Variants in COL26A1 observed in about 807,000 individuals in gnomAD.
COL26A1 encodes collagen type XXVI alpha 1 chain, also known as collagen alpha-1(XXVI) chain.
In COL26A1, 41 loss-of-function variants were observed where a neutral mutation model predicts 59.3. The ratio of observed to expected loss-of-function variants is 0.69; its 90% CI spans 0.54 to 0.90. The LOEUF (loss-of-function observed/expected upper bound fraction) is 0.90, where lower values mean the gene tolerates loss of function less well. Ranked by LOEUF, COL26A1 falls within the 40% of genes least tolerant of loss-of-function variation. The pLI is 0.00. For synonymous variants in COL26A1, 266 were observed against 256.0 expected (o/e 1.04, Z -0.37); for missense variants, 612 against 602.3 (o/e 1.02, Z -0.17).
intron 3 of COL26A1, among the ~76,000 whole-genome samples, chr7:101,461,996 CTT>C (rs531100830): frequency 0.36 from 41,564 of 116,976 alleles, 6,938 homozygotes; most frequent in African/African-American, 0.41. Context: ...CCACGGAGCA[CTT>C]TTTTTTTTTT....
chr7:101,400,654 G>A (rs1295319611), intron 1 of COL26A1, among the ~76,000 whole-genome samples: 4 of 151,960 alleles, frequency 2.6e-5, no homozygotes, highest in African/African-American at 9.7e-5. Flanking sequence ...TGCCTCCCAG[G>A]TTCAAACGAT....
chr7:101,408,197 T>G (rs1351241366), intron 1 of COL26A1, among the ~76,000 whole-genome samples: 2 of 152,136 alleles, frequency 1.3e-5, no homozygotes, highest in Non-Finnish European at 2.9e-5. Context: ...GGGTGTTTAT[T>G]AGGGATGGCT....
chr7:101,541,001 G>A (rs1163847357), intron 5 of COL26A1, among the ~76,000 whole-genome samples: 5 of 152,254 alleles, frequency 3.3e-5, no homozygotes, highest in South Asian at 4.1e-4. Context: ...AAATAAAAAT[G>A]AGAAAATTGG....
chr7:101,488,154 T>C (rs1017528835), intron 3 of COL26A1, among the ~76,000 whole-genome samples: 3 of 148,868 alleles, frequency 2.0e-5, no homozygotes, highest in Admixed American at 6.7e-5. Flanking sequence ...TGGTGGCGGG[T>C]GCCTGTAATC....
At chr7:101,423,501 A>T (rs1173690094) in intron 2 of COL26A1, among the ~76,000 whole-genome samples, 1 of 152,060 alleles carries the variant, frequency 6.6e-6, no homozygotes, top group Non-Finnish European at 1.5e-5. Flanking sequence ...TTTGGAGGAT[A>T]AGGTGGGTGG....
intron 2 of COL26A1, among the ~76,000 whole-genome samples, chr7:101,421,542 G>A (rs1034382462): frequency 1.3e-5 from 2 of 152,036 alleles, no homozygotes; most frequent in Non-Finnish European, 2.9e-5. Flanking sequence ...AGGCGTGGTG[G>A]TGGGCGCCTG....
At chr7:101,467,511 G>A (rs1793792515) in intron 3 of COL26A1, among the ~76,000 whole-genome samples, 2 of 151,688 alleles carry the variant, frequency 1.3e-5, no homozygotes, top group Non-Finnish European at 3.0e-5. Flanking sequence ...TTGTGCAGAC[G>A]GGTTCTCTAC....
At chr7:101,524,456 T>C (rs1795200533) in intron 3 of COL26A1, among the ~76,000 whole-genome samples, 1 of 152,164 alleles carries the variant, frequency 6.6e-6, no homozygotes, top group African/African-American at 2.4e-5. Context: ...ATGTTTGATG[T>C]CCCAGCGTAA....
At chr7:101,548,345 G>A (rs1304759813) in intron 8 of COL26A1, among the ~76,000 whole-genome samples, 3 of 152,196 alleles carry the variant, frequency 2.0e-5, no homozygotes, top group African/African-American at 7.2e-5. Flanking sequence ...TTCCTAGCAG[G>A]CTGGAGATTA....
intron 1 of COL26A1, among the ~76,000 whole-genome samples, chr7:101,387,776 A>ATTTTTTTT (rs1445116473): frequency 2.4e-4 from 20 of 84,750 alleles, no homozygotes; most frequent in South Asian, 3.9e-4. Flanking sequence ...ATATATATAT[A>ATTTTTTTT]TATTTTTTTT....
At chr7:101,495,039 T>G (rs1322906093) in intron 3 of COL26A1, among the ~76,000 whole-genome samples, 2 of 152,128 alleles carry the variant, frequency 1.3e-5, no homozygotes, top group Non-Finnish European at 2.9e-5. Context: ...TTTAAGAAAG[T>G]AATTGACCTG....
chr7:101,384,230 G>GTTTTT (rs35085221), intron 1 of COL26A1, among the ~76,000 whole-genome samples: 63 of 105,660 alleles, frequency 6.0e-4, no homozygotes, highest in African/African-American at 1.7e-3. Flanking sequence ...GTTCAGGCTG[G>GTTTTT]TTTTTTTTTT....
intron 3 of COL26A1, among the ~76,000 whole-genome samples, chr7:101,458,734 G>T (rs60883407): frequency 6.6e-6 from 1 of 151,576 alleles, no homozygotes; most frequent in African/African-American, 2.4e-5. Flanking sequence ...AGAAACAGGC[G>T]CAGAGGAAAT....
At chr7:101,468,933 C>T (rs974297084) in intron 3 of COL26A1, among the ~76,000 whole-genome samples, 1 of 152,158 alleles carries the variant, frequency 6.6e-6, no homozygotes, top group East Asian at 1.9e-4. Context: ...CCTGCTGCAC[C>T]GGGTGGACCT....
intron 3 of COL26A1, among the ~76,000 whole-genome samples, chr7:101,531,943 C>T (rs183237277): frequency 2.0e-5 from 3 of 152,244 alleles, no homozygotes; most frequent in Admixed American, 1.3e-4. Context: ...TCAGCCCCAG[C>T]ACGCAGAGTG....
At chr7:101,514,501 G>T (rs1183936671) in intron 3 of COL26A1, among the ~76,000 whole-genome samples, 3 of 152,140 alleles carry the variant, frequency 2.0e-5, no homozygotes, top group Non-Finnish European at 4.4e-5. Context: ...GGGACCCAGG[G>T]TTGTCCCCAA....
intron 3 of COL26A1, among the ~76,000 whole-genome samples, chr7:101,463,771 T>TTCTTTCTTTCGTTCTCTC (rs1793678837): frequency 2.4e-5 from 2 of 81,700 alleles, no homozygotes; most frequent in Non-Finnish European, 4.4e-5. Context: ...TTTTCCTTCC[T>TTCTTTCTTTCGTTCTCTC]TCTTTCTTTC....
chr7:101,394,715 G>A (rs966421580), intron 1 of COL26A1, among the ~76,000 whole-genome samples: 3 of 150,320 alleles, frequency 2.0e-5, no homozygotes, highest in East Asian at 2.0e-4. Context: ...GAGCTGCTGC[G>A]CCCGGCCAAC....
chr7:101,370,480 C>T (rs1791165549), intron 1 of COL26A1, among the ~76,000 whole-genome samples: 1 of 152,114 alleles, frequency 6.6e-6, no homozygotes, highest in African/African-American at 2.4e-5. Context: ...AAGCGATTCT[C>T]CTGCCTCAGC....
Sources: allele counts gnomAD v4.1 joint callset (sites outside exome capture counted in the v4.1 genomes callset), GRCh38; gene constraint gnomAD v4.1.1; transcripts MANE v1.5; gene names NCBI Gene and HGNC (gene_info 2026-07-23, HGNC 2026-07-21).